NT5DC4: variants seen among roughly 807,000 people sequenced by gnomAD.
NT5DC4 encodes 5'-nucleotidase domain-containing protein 4.
A neutral mutation model predicts 26.6 loss-of-function variants in NT5DC4; 44 were observed. That is an observed-to-expected ratio of 1.65 (90% CI 1.30 to 2.13). NT5DC4 has a LOEUF of 2.13. Ranked by LOEUF, NT5DC4 falls within the 30% of genes most tolerant of loss-of-function variation. NT5DC4 has a pLI of 0.00. For missense variants in NT5DC4, 399 were observed against 228.1 expected (o/e 1.75, Z -4.83); for synonymous variants, 157 against 86.7 (o/e 1.81, Z -4.51).
At chr2:112,738,770 TTCTTG>T (rs1679586920) in intron 16 of NT5DC4, 138 bp from the exon 17 acceptor site, 6 of 1,230,754 alleles carry the variant, frequency 4.9e-6, no homozygotes, top group Admixed American at 1.8e-5. Flanking sequence ...ACAAGAATAT[TTCTTG>T]TCTTATGTTG....
chr2:112,725,057 C>T, intron 11 of NT5DC4, 117 bp from the exon 12 acceptor site: 3 of 652,524 alleles, frequency 4.6e-6, no homozygotes, highest in Non-Finnish European at 8.6e-6. Flanking sequence ...TCTGCTGCCT[C>T]CTTCCTCCCA....
At chr2:112,736,113 G>T (rs1021172845) in intron 16 of NT5DC4, among the ~76,000 whole-genome samples, 1 of 152,050 alleles carries the variant, frequency 6.6e-6, no homozygotes, top group Admixed American at 6.5e-5. Context: ...AAAAGTAAGT[G>T]CACAAGCAAT....
chr2:112,722,343 G>T, intron 4 of NT5DC4, 65 bp downstream of exon 4: 1 of 715,006 alleles, frequency 1.4e-6, no homozygotes, highest in South Asian at 1.5e-5. Context: ...CTTGGGGGAG[G>T]ACAGAGGGAG....
upstream of NT5DC4, among the ~76,000 whole-genome samples, chr2:112,719,942 CTTTCTT>C (rs1223564207): frequency 2.1e-5 from 2 of 96,426 alleles, no homozygotes; most frequent in Non-Finnish European, 4.0e-5. Flanking sequence ...TTCTTTCTTT[CTTTCTT>C]TCTTTCTTTC....
rs993550306 is a variant in NT5DC4 at position 112,725,206 on chromosome 2, A to C, written c.948A>C (p.Thr316=). Residue 316 remains threonine (T), a synonymous_variant, in exon 12 of 17, where the codon ACA becomes ACC. Coordinates refer to ENST00000688554, the MANE Select transcript of NT5DC4 (RefSeq NM_001393655.1). ...DSGKLHVGTY[T]GPHQHCAVYS... ...GAAAGCTCCACGTGGGCACCTACAC[A>C]GGGCCCCACCAGCACTGTGCTGTCT... is the stretch of plus-strand genomic sequence containing the variant. The C allele has an allele frequency of 4.2e-6, 3 of 715,980 alleles. No homozygotes were observed. The highest frequency in any genetic ancestry group is 5.2e-6 in the Non-Finnish European group (2 of 384,082). 44.4% of individuals were successfully genotyped at this position (715,980 alleles called of 1,614,324 possible).
intron 7 of NT5DC4, 25 bp downstream of exon 7, chr2:112,723,199 G>A (rs760100739): frequency 2.4e-5 from 17 of 717,010 alleles, no homozygotes; most frequent in South Asian, 4.4e-5. Context: ...CAGAACCCCC[G>A]GACCCCTGAC....
chr2:112,720,502 A>G (rs563899147), upstream of NT5DC4, among the ~76,000 whole-genome samples: 25 of 152,244 alleles, frequency 1.6e-4, no homozygotes, highest in African/African-American at 5.8e-4. Context: ...AGAACTCTAC[A>G]CTAAATGGCC....
intron 10 of NT5DC4, chr2:112,724,439 G>A (rs1574244966): frequency 1.7e-6 from 1 of 575,232 alleles, no homozygotes; most frequent in East Asian, 2.9e-5. Flanking sequence ...CAGGTCCTGG[G>A]CACTGGGAGT....
At position 112,724,104 on chromosome 2, in the gene NT5DC4, C is replaced by T. The variant is rs1376816984; in HGVS notation, c.767C>T (p.Thr256Ile). ...SSYNYTNAIM[T>I]YLFSISEAEA... Reference sequence around the variant, plus strand: ...CCTTGTCCTTGCCAGGCCATCATGACCTACCTGTTCAGCATCAGTGAGGTG... The same window carrying T: ...CCTTGTCCTTGCCAGGCCATCATGATCTACCTGTTCAGCATCAGTGAGGTG... The change falls in exon 10 of 17, where the codon ACC becomes ATC. Residue 256 changes from threonine to isoleucine, a missense_variant. Thr to Ile is a moderately conservative substitution (Grantham distance 89). Coordinates refer to ENST00000688554, the MANE Select transcript of NT5DC4 (RefSeq NM_001393655.1). 2.8e-6 allele frequency: 2 copies of T among 717,332 alleles called. No individual in the cohort carries two copies. The highest frequency in any genetic ancestry group is 3.0e-5 in the South Asian group (2 of 67,602). 44.4% of individuals were successfully genotyped at this position (717,332 alleles called of 1,614,324 possible). A position where few individuals can be genotyped will look rare whatever the true frequency, so the allele number is the denominator to read the frequency against.
chr2:112,738,762 A>G, intron 16 of NT5DC4, 151 bp from the exon 17 acceptor site: 1 of 1,158,180 alleles, frequency 8.6e-7, no homozygotes, highest in Non-Finnish European at 1.3e-6. Flanking sequence ...TCACTTGGAC[A>G]AGAATATTTC....
intron 10 of NT5DC4, chr2:112,724,351 T>A (rs1677391968): frequency 1.7e-6 from 1 of 602,078 alleles, no homozygotes; most frequent in Non-Finnish European, 3.0e-6. Flanking sequence ...TAGGAGGCAG[T>A]CAGGTATGTG....
At chr2:112,735,038 ATTTTTTTTTTTTT>A (rs70965024) in intron 16 of NT5DC4, among the ~76,000 whole-genome samples, 1 of 94,492 alleles carries the variant, frequency 1.1e-5, no homozygotes, top group African/African-American at 4.3e-5. Context: ...AGGCAAGAAC[ATTTTTTTTTTTTT>A]TTTTTTTTTT....
intron 11 of NT5DC4, 86 bp from the exon 12 acceptor site, chr2:112,725,088 G>A (rs1677524769): frequency 6.0e-6 from 4 of 662,564 alleles, no homozygotes; most frequent in East Asian, 5.5e-5. Flanking sequence ...GGTTACCTCT[G>A]CCACTCCCAG....
At chr2:112,725,607 C>A in intron 13 of NT5DC4, 55 bp downstream of exon 13, 1 of 622,530 alleles carries the variant, frequency 1.6e-6, no homozygotes, top group South Asian at 1.9e-5. Context: ...CATGCAGAGG[C>A]CCCAGCACTG....
At chr2:112,737,394 CAT>C (rs1451011225) in intron 16 of NT5DC4, 5 of 152,282 alleles carry the variant, frequency 3.3e-5, no homozygotes, top group African/African-American at 7.2e-5. Context: ...ACATTTATCT[CAT>C]GTCTTGTTAA....
chr2:112,722,746 T>C lies in NT5DC4; in HGVS notation c.502T>C (p.Phe168Leu). ...CCTCTATGCCTGCTTGGTGGACTTC[T>C]TCTCTGGCTGCTCCCGTTACACTAA... Reference protein sequence around the residue: ...TYLYACLVDFFSGCSRYTNCD... With the variant: ...TYLYACLVDFLSGCSRYTNCD... Residue 168 changes from phenylalanine to leucine, a missense_variant, in exon 6 of 17, where the codon TTC (phenylalanine) becomes CTC (leucine). Coordinates refer to ENST00000688554, the MANE Select transcript of NT5DC4 (RefSeq NM_001393655.1). The C allele has an allele frequency of 4.2e-6, 3 of 717,664 alleles. No individual in the cohort carries two copies. The highest frequency in any genetic ancestry group is 7.8e-6 in the Non-Finnish European group (3 of 385,140). The allele number at this position is 717,664 out of a possible 1,614,324, so 44.5% of individuals were successfully genotyped here. A position where few individuals can be genotyped will look rare whatever the true frequency, so the allele number is the denominator to read the frequency against.
chr2:112,721,856 G>A lies in NT5DC4; in HGVS notation c.113G>A (p.Arg38His), dbSNP rs137865456. ...CGCAGCCTGGCGCTGGGGAAGATTCGTTGCTTTGGCTTCGACATGGACTAC... is the reference window on the plus strand; with the variant it reads ...CGCAGCCTGGCGCTGGGGAAGATTCATTGCTTTGGCTTCGACATGGACTAC... ...VNRSLALGKIRCFGFDMDYTL... is the reference protein window; with the variant it reads ...VNRSLALGKIHCFGFDMDYTL... The change falls in exon 2 of 17, where the codon CGT (arginine) becomes CAT (histidine). Residue 38 changes from arginine (R) to histidine (H), a missense_variant. Arg to His is a conservative substitution (Grantham distance 29, BLOSUM62 0). Transcript: ENST00000688554. The A allele has an allele frequency of 2.9e-5, 21 of 717,362 alleles. No homozygotes were observed. Among genetic ancestry groups the A allele is most frequent in the African/African-American group, 5.2e-5 (3 of 57,390 alleles). 44.4% of individuals were successfully genotyped at this position (717,362 alleles called of 1,614,324 possible).
At chr2:112,721,533 T>A (rs780275188) in intron 1 of NT5DC4, 3 of 717,904 alleles carry the variant, frequency 4.2e-6, no homozygotes, top group Middle Eastern at 2.3e-4. Flanking sequence ...TGGATGCCTA[T>A]AACATGCCTG....
intron 11 of NT5DC4, 132 bp from the exon 12 acceptor site, chr2:112,725,042 C>G: frequency 1.5e-6 from 1 of 650,524 alleles, no homozygotes; most frequent in South Asian, 1.7e-5. Context: ...CCGCCTTCAG[C>G]GCCCTCTGCT....
Sources: allele counts gnomAD v4.1 joint callset (sites outside exome capture counted in the v4.1 genomes callset), GRCh38; gene constraint gnomAD v4.1.1; transcripts MANE v1.5; gene names NCBI Gene and HGNC (gene_info 2026-07-23, HGNC 2026-07-21).